The following DHX36 variants were observed in gnomAD, a reference collection of about 807,000 sequenced individuals.
DHX36 encodes the protein DEAH-box helicase 36, also known as ATP-dependent DNA/RNA helicase DHX36.
In DHX36, 50 loss-of-function variants were observed where a neutral mutation model predicts 139.0. The ratio of observed to expected loss-of-function variants is 0.36; its 90% CI spans 0.29 to 0.46. The LOEUF is 0.46. DHX36 is among the 20% of genes least tolerant of loss of function. The pLI, the probability that DHX36 is intolerant of heterozygous loss-of-function variation, is 1.00. For missense variants in DHX36, 1,024 were observed against 1,211.3 expected (o/e 0.85, Z 2.29); for synonymous variants, 425 against 401.9 (o/e 1.06, Z -0.69).
chr3:154,305,052 C>G, intron 7 of DHX36, 42 bp downstream of exon 7: 1 of 1,591,348 alleles, frequency 6.3e-7, no homozygotes. Flanking sequence ...ATAATTACAT[C>G]TTTTGATAAC....
Position 154,299,912 on chromosome 3 carries a change from A to G in DHX36, c.1475T>C (p.Leu492Pro). The G allele has an allele frequency of 6.2e-7, 1 of 1,612,410 alleles. No homozygotes were observed. Among genetic ancestry groups the G allele is most frequent in the Non-Finnish European group, 8.5e-7 (1 of 1,178,444 alleles). Residue 492 changes from leucine (L) to proline (P), a missense_variant, in exon 12 of 25, where the codon CTG becomes CCG. This residue lies in a region of DHX36 where 470 missense variants were observed against 616.2 expected (regional missense o/e 0.76). Coordinates refer to ENST00000496811, the MANE Select transcript of DHX36 (RefSeq NM_020865.3). ...ATTGTCCCAGCCTGGCAGAAAGACC[A>G]GTATCGCACCATCCTATATGAAGGG... Reference protein sequence around the residue: ...IVLEEEDGAILVFLPGWDNIS... With the variant: ...IVLEEEDGAIPVFLPGWDNIS...
At chr3:154,299,005 C>T (rs1241344665) in intron 12 of DHX36, among the ~76,000 whole-genome samples, 1 of 152,176 alleles carries the variant, frequency 6.6e-6, no homozygotes, top group African/African-American at 2.4e-5. Flanking sequence ...CACGTGGTGG[C>T]TCAAGCCTGT....
rs548866970 is a variant in DHX36 at position 154,287,396 on chromosome 3, T to G, written c.2031+1470A>C. Among the ~76,000 whole-genome samples the G allele has an allele frequency of 7.2e-5, 11 of 152,310 alleles. 1 individual carries two copies. In the East Asian group the frequency reaches 1.7e-3, roughly 24 times the overall value. On this transcript the variant is annotated intron_variant, in intron 17 of 24. Transcript: ENST00000496811. ...TAGACTGGGAGTGGTGGCTCATGCC[T>G]ATGATCCCAGCACTTTGGGAGGCTG...
chr3:154,309,591 A>T (rs183744978), intron 5 of DHX36, 62 bp downstream of exon 5: 2 of 1,388,856 alleles, frequency 1.4e-6, no homozygotes, highest in African/African-American at 1.5e-5. Context: ...CTTCAGAATC[A>T]GTAGGTTCTA....
At chr3:154,290,502 G>A (rs1476590019) in intron 15 of DHX36, among the ~76,000 whole-genome samples, 2 of 151,918 alleles carry the variant, frequency 1.3e-5, no homozygotes, top group African/African-American at 4.8e-5. Flanking sequence ...TTAGCTGGGT[G>A]TGGTGGTGTG....
chr3:154,280,898 C>T (rs1262350683), intron 20 of DHX36, 36 bp from the exon 21 acceptor site: 2 of 1,487,950 alleles, frequency 1.3e-6, no homozygotes, highest in East Asian at 2.3e-5. Flanking sequence ...ACTAGAATAC[C>T]TTTCACACAT....
Position 154,273,727 on chromosome 3 carries a change from C to T in DHX36, c.*2444G>A, listed in dbSNP as rs890885362. The T allele has an allele frequency of 5.3e-5, 8 of 152,182 alleles. No homozygotes were observed. The highest frequency in any genetic ancestry group is 7.3e-5 in the Non-Finnish European group (5 of 68,028). 9.4% of individuals were successfully genotyped at this position (152,182 alleles called of 1,614,324 possible). ...CCCAGGATTGGGAGCAGTACCTGAA[C>T]AAGTGCTGTTAATGGATCACTGTAG... On this transcript the variant is annotated 3_prime_UTR_variant, in exon 25 of 25. Transcript: ENST00000496811.
intron 1 of DHX36, among the ~76,000 whole-genome samples, chr3:154,316,667 G>A (rs1477047501): frequency 6.6e-6 from 1 of 152,010 alleles, no homozygotes; most frequent in African/African-American, 2.4e-5. Context: ...GTGCTTATAA[G>A]GTGATCCAAT....
intron 9 of DHX36, 46 bp from the exon 10 acceptor site, chr3:154,301,173 A>G: frequency 6.6e-7 from 1 of 1,515,400 alleles, no homozygotes; most frequent in South Asian, 1.3e-5. Context: ...TTGAAACTCT[A>G]GTTTTAGCTA....
chr3:154,276,872 A>G lies in DHX36; in HGVS notation c.2716T>C (p.Ser906Pro). ...CCAAAAAACAAGAGACAGTATGGGGAAACCTCTGTGCAGTCATACAAGTAT... is the reference window on the plus strand; with the variant it reads ...CCAAAAAACAAGAGACAGTATGGGGGAACCTCTGTGCAGTCATACAAGTAT... ...SIYLYDCTEV[S>P]PYCLLFFGGD... Residue 906 changes from serine to proline, a missense_variant, in exon 24 of 25, where the codon TCC (serine) becomes CCC (proline). Around this residue, in one of 4 missense-constraint regions of DHX36, gnomAD observed 470 missense variants for 616.2 expected, o/e 0.76. Coordinates refer to ENST00000496811, the MANE Select transcript of DHX36 (RefSeq NM_020865.3). 1 of 1,613,782 alleles carries G rather than the reference A, an allele frequency of 6.2e-7. No individual in the cohort carries two copies. Among genetic ancestry groups the G allele is most frequent in the African/African-American group, 1.3e-5 (1 of 75,042 alleles).
intron 23 of DHX36, 62 bp downstream of exon 23, chr3:154,277,536 C>A: frequency 6.8e-7 from 1 of 1,480,418 alleles, no homozygotes; most frequent in Non-Finnish European, 9.0e-7. Flanking sequence ...TAAAACTACA[C>A]AATCATAAAA....
At chr3:154,287,907 C>T (rs1008767964) in intron 17 of DHX36, among the ~76,000 whole-genome samples, 11 of 151,832 alleles carry the variant, frequency 7.2e-5, no homozygotes, top group Non-Finnish European at 1.5e-4. Context: ...CACTACATAC[C>T]TACCAGCATG....
chr3:154,305,942 G>C (rs1376156970), intron 6 of DHX36, among the ~76,000 whole-genome samples: 1 of 152,148 alleles, frequency 6.6e-6, no homozygotes, highest in Non-Finnish European at 1.5e-5. Context: ...TCTTTTCAGA[G>C]AGAGTAATGG....
rs71308484 is a variant in DHX36 at position 154,315,277 on chromosome 3, G to A, written c.372C>T (p.Tyr124=). The change falls in exon 3 of 25, where the codon TAC becomes TAT. Residue 124 remains tyrosine (Y), a synonymous_variant. Transcript: ENST00000496811. The stretch of plus-strand genomic sequence containing the variant: ...TGTTCTTAGTAGAAACTTCAGTACC[G>A]TATCTGTTTTGACAAAATAAGAAAG... The part of the protein sequence containing the change: ...ISWFAPEDHG[Y]GTEVSTKNTP... 0.028 allele frequency: 44,298 copies of A among 1,602,618 alleles called. 731 individuals carry two copies. Among genetic ancestry groups the A allele is most frequent in the Middle Eastern group, 0.038 (226 of 6,026 alleles).
chr3:154,316,106 A>C lies in DHX36; in HGVS notation c.301T>G (p.Ser101Ala). 1.2e-6 allele frequency: 2 copies of C among 1,613,410 alleles called. No individual in the cohort carries two copies. The highest frequency in any genetic ancestry group is 1.7e-6 in the Non-Finnish European group (2 of 1,179,574). ...TCTTTATCATTCTTCGCTTGAACAG[A>C]ATTCAGTAACTGTACAATTTGTTCT... ...REEQIVQLLN[S>A]VQAKNDKESE... Residue 101 changes from serine to alanine, a missense_variant, in exon 2 of 25, where the codon TCT becomes GCT. Around this residue, in one of 4 missense-constraint regions of DHX36, gnomAD observed 293 missense variants for 274.4 expected, o/e 1.07. Transcript: ENST00000496811.
At chr3:154,289,606 T>C in intron 16 of DHX36, 103 bp downstream of exon 16, 2 of 713,754 alleles carry the variant, frequency 2.8e-6, no homozygotes, top group South Asian at 1.8e-5. Context: ...AAATTGTGAG[T>C]TAATAATTGT....
chr3:154,292,359 A>G (rs1233386754), intron 15 of DHX36, among the ~76,000 whole-genome samples, 192 bp downstream of exon 15: 1 of 152,256 alleles, frequency 6.6e-6, no homozygotes, highest in Non-Finnish European at 1.5e-5. Flanking sequence ...TTCATAAAAT[A>G]GAAAACTTGG....
At chr3:154,295,147 C>T in intron 13 of DHX36, 137 bp downstream of exon 13, 1 of 526,316 alleles carries the variant, frequency 1.9e-6, no homozygotes, top group South Asian at 2.4e-5. Flanking sequence ...TGCAAAGGTT[C>T]TCAAAGAAGT....
chr3:154,305,468 A>T (rs762522854), intron 6 of DHX36: 1 of 237,410 alleles, frequency 4.2e-6, no homozygotes, highest in Non-Finnish European at 8.2e-6. Context: ...GTAATTGGAA[A>T]GCTCATTTGA....
Sources: allele counts gnomAD v4.1 joint callset (sites outside exome capture counted in the v4.1 genomes callset), GRCh38; gene constraint gnomAD v4.1.1; regional missense constraint gnomAD v4.1.1; transcripts MANE v1.5; gene names NCBI Gene and HGNC (gene_info 2026-07-23, HGNC 2026-07-21).